Variants in RAD51B observed in about 807,000 individuals in gnomAD.
The protein encoded by RAD51B is RAD51 paralog B, also known as DNA repair protein RAD51 homolog 2.
In RAD51B, 38 loss-of-function variants were observed where a neutral mutation model predicts 42.2. The observed-to-expected ratio is 0.90, with a 90% CI of 0.70 to 1.18. The LOEUF is 1.18. Ranked by LOEUF, RAD51B falls within the 50% of genes most tolerant of loss-of-function variation. The probability of loss-of-function intolerance (pLI) is 0.00; values close to 1 mark genes in which losing one functional copy is unlikely to be tolerated. For synonymous variants in RAD51B, 154 were observed against 145.2 expected (o/e 1.06, Z -0.43); for missense variants, 373 against 400.7 (o/e 0.93, Z 0.59).
intron 7 of RAD51B, among the ~76,000 whole-genome samples, chr14:68,283,437 T>C (rs1225024947): frequency 6.6e-6 from 1 of 152,222 alleles, no homozygotes. Flanking sequence ...CCATTGGCCT[T>C]GTTCTCTTCC....
intron 7 of RAD51B, among the ~76,000 whole-genome samples, chr14:68,213,529 G>T (rs781355961): frequency 1.3e-5 from 2 of 152,210 alleles, no homozygotes; most frequent in Non-Finnish European, 2.9e-5. Context: ...CTTGAAGGAG[G>T]AAGCTTAGGT....
chr14:68,318,615 CG>C (rs2082104231), intron 8 of RAD51B, among the ~76,000 whole-genome samples: 1 of 152,150 alleles, frequency 6.6e-6, no homozygotes, highest in South Asian at 2.1e-4. Flanking sequence ...TTTGCATGGA[CG>C]GTCTACCTAC....
At chr14:67,941,521 G>T (rs2045207305) in intron 7 of RAD51B, among the ~76,000 whole-genome samples, 1 of 152,150 alleles carries the variant, frequency 6.6e-6, no homozygotes, top group African/African-American at 2.4e-5. Context: ...CTATGCCTCT[G>T]CCACAAGCAT....
chr14:68,526,839 A>G (rs1375724247), intron 10 of RAD51B, among the ~76,000 whole-genome samples: 1 of 152,076 alleles, frequency 6.6e-6, no homozygotes, highest in African/African-American at 2.4e-5. Flanking sequence ...GAGAGAGGAG[A>G]AAACTAGTTC....
intron 7 of RAD51B, among the ~76,000 whole-genome samples, chr14:68,282,903 C>G (rs905968317): frequency 1.7e-4 from 26 of 152,130 alleles, no homozygotes; most frequent in African/African-American, 6.0e-4. Context: ...GGGGGGGACC[C>G]GAGACTCCTC....
intron 8 of RAD51B, among the ~76,000 whole-genome samples, chr14:68,357,546 G>A (rs548723635): frequency 6.6e-6 from 1 of 151,998 alleles, no homozygotes; most frequent in Non-Finnish European, 1.5e-5. Context: ...AGATCCATAA[G>A]AGGAATCACT....
Position 68,362,595 on chromosome 14 carries a change from A to G in RAD51B, c.854-48829A>G, listed in dbSNP as rs540607438. 5.5e-4 allele frequency among the ~76,000 whole-genome samples: 84 copies of G among 152,300 alleles called. 1 individual carries two copies. The highest frequency in any genetic ancestry group is 1.9e-3 in the African/African-American group (77 of 41,560). Reference sequence around the variant, plus strand: ...CCGGGCGCAGTGGCTCACACCTGTAATCCCAACACTTTGGGAGGCCAAGGT... The same window carrying G: ...CCGGGCGCAGTGGCTCACACCTGTAGTCCCAACACTTTGGGAGGCCAAGGT... On this transcript the variant is annotated intron_variant, in intron 8 of 10. Coordinates refer to ENST00000471583, the MANE Select transcript of RAD51B (RefSeq NM_133510.4).
intron 7 of RAD51B, among the ~76,000 whole-genome samples, chr14:68,190,240 T>A (rs192906852): frequency 6.6e-6 from 1 of 152,284 alleles, no homozygotes; most frequent in East Asian, 1.9e-4. Context: ...TAATTTACAT[T>A]AGGCACTCAA....
downstream of RAD51B, among the ~76,000 whole-genome samples, chr14:68,600,355 C>T (rs1261157161): frequency 1.3e-5 from 2 of 152,170 alleles, 1 homozygote; most frequent in Non-Finnish European, 2.9e-5. Flanking sequence ...TGGCATTGGG[C>T]CAGCATGCTG....
intron 7 of RAD51B, among the ~76,000 whole-genome samples, chr14:68,028,010 A>G (rs1045670974): frequency 6.6e-6 from 1 of 151,892 alleles, no homozygotes; most frequent in Non-Finnish European, 1.5e-5. Context: ...ATTTCTGGGT[A>G]TTTTCAGAGG....
intron 10 of RAD51B, among the ~76,000 whole-genome samples, chr14:68,637,172 C>T (rs568522017): frequency 5.3e-5 from 8 of 152,190 alleles, no homozygotes; most frequent in East Asian, 1.9e-4. Flanking sequence ...CTCAAACTCC[C>T]GGCTTCAAGT....
At chr14:68,446,727 G>C (rs2085429827) in intron 9 of RAD51B, among the ~76,000 whole-genome samples, 1 of 152,140 alleles carries the variant, frequency 6.6e-6, no homozygotes, top group East Asian at 1.9e-4. Flanking sequence ...AAGAGATTGA[G>C]AGAATGTTCC....
At chr14:68,015,310 A>G (rs1006958837) in intron 7 of RAD51B, among the ~76,000 whole-genome samples, 1 of 152,194 alleles carries the variant, frequency 6.6e-6, no homozygotes, top group Non-Finnish European at 1.5e-5. Context: ...GGGGATACAA[A>G]GGTGACTACT....
chr14:67,907,280 A>G (rs2043809572), intron 7 of RAD51B, among the ~76,000 whole-genome samples: 1 of 151,018 alleles, frequency 6.6e-6, no homozygotes, highest in Non-Finnish European at 1.5e-5. Context: ...CTAGCTTCGG[A>G]GTTGGTATGC....
At chr14:68,524,911 G>C (rs995343972) in intron 10 of RAD51B, among the ~76,000 whole-genome samples, 11 of 152,234 alleles carry the variant, frequency 7.2e-5, no homozygotes, top group African/African-American at 2.7e-4. Flanking sequence ...TCGTGATAGG[G>C]GTTTCCACCC....
intron 7 of RAD51B, among the ~76,000 whole-genome samples, chr14:68,089,255 A>C (rs2077050245): frequency 6.6e-6 from 1 of 152,142 alleles, no homozygotes; most frequent in Non-Finnish European, 1.5e-5. Context: ...TGAACCAGCT[A>C]CTGAACACAA....
chr14:68,074,520 G>C (rs988252868), intron 7 of RAD51B, among the ~76,000 whole-genome samples: 1 of 152,172 alleles, frequency 6.6e-6, no homozygotes, highest in East Asian at 1.9e-4. Context: ...TGAATTCTAC[G>C]TCTGTCATTT....
chr14:68,381,661 C>T (rs1349342562), intron 8 of RAD51B, among the ~76,000 whole-genome samples: 1 of 152,126 alleles, frequency 6.6e-6, no homozygotes, highest in African/African-American at 2.4e-5. Flanking sequence ...GCTCAGGCGA[C>T]AGAGCAAGAC....
At chr14:67,959,538 C>T (rs2074617610) in intron 7 of RAD51B, among the ~76,000 whole-genome samples, 1 of 152,148 alleles carries the variant, frequency 6.6e-6, no homozygotes, top group South Asian at 2.1e-4. Flanking sequence ...TGAGCCACCG[C>T]ACCCGGCCAA....
Sources: allele counts gnomAD v4.1 joint callset (sites outside exome capture counted in the v4.1 genomes callset), GRCh38; gene constraint gnomAD v4.1.1; transcripts MANE v1.5; gene names NCBI Gene and HGNC (gene_info 2026-07-23, HGNC 2026-07-21).